Variants in SPTB observed in about 807,000 individuals in gnomAD.
SPTB encodes the protein spectrin beta chain, erythrocytic.
SPTB carries 45 observed loss-of-function variants against 256.2 expected under a neutral mutation model. That is an observed-to-expected ratio of 0.18 (90% CI 0.14 to 0.23). SPTB has a LOEUF of 0.23. Among genes scored for constraint, SPTB ranks in the 10% least tolerant of loss-of-function variants. SPTB has a pLI of 1.00. For missense variants in SPTB, 2,715 were observed against 3,040.4 expected (o/e 0.89, Z 2.52); for synonymous variants, 1,231 against 1,243.1 (o/e 0.99, Z 0.21).
intron 1 of SPTB, among the ~76,000 whole-genome samples, chr14:64,874,396 G>A (rs1403681958): frequency 2.0e-5 from 3 of 152,154 alleles, no homozygotes; most frequent in Admixed American, 6.5e-5. Context: ...ATCTCTTTGT[G>A]TGTCTTCAGC....
chr14:64,876,408 C>T (rs1882827605), intron 1 of SPTB, among the ~76,000 whole-genome samples: 1 of 152,110 alleles, frequency 6.6e-6, no homozygotes, highest in Non-Finnish European at 1.5e-5. Flanking sequence ...CTTTAAATCT[C>T]CCACTGGTCA....
intron 15 of SPTB, among the ~76,000 whole-genome samples, chr14:64,789,966 A>G (rs931517031): frequency 1.3e-5 from 2 of 152,216 alleles, no homozygotes; most frequent in Non-Finnish European, 2.9e-5. Flanking sequence ...TGTTCTGAAA[A>G]ATAATTGAAG....
chr14:64,794,460 G>A lies in SPTB; in HGVS notation c.1795+7C>T. Reference sequence around the variant, plus strand: ...AGCCTCAAAAGGGGAGACAGACTTGGTCTCACCTTTCCCCTCGGTGAACTT... The same window carrying A: ...AGCCTCAAAAGGGGAGACAGACTTGATCTCACCTTTCCCCTCGGTGAACTT... On this transcript the variant is annotated splice_region_variant and intron_variant, in intron 13 of 35. Coordinates refer to ENST00000644917, the MANE Select transcript of SPTB (RefSeq NM_001355436.2). The A allele has an allele frequency of 6.2e-7, 1 of 1,614,186 alleles. No homozygotes were observed. The highest frequency in any genetic ancestry group is 8.5e-7 in the Non-Finnish European group (1 of 1,180,036).
At chr14:64,828,683 C>A (rs2083408664) in intron 1 of SPTB, among the ~76,000 whole-genome samples, 1 of 152,184 alleles carries the variant, frequency 6.6e-6, no homozygotes, top group Non-Finnish European at 1.5e-5. Context: ...TTATCTCTCT[C>A]AACTCACTTC....
chr14:64,782,436 G>T lies in SPTB; in HGVS notation c.4120C>A (p.His1374Asn). ...LQATTKEKTQ[H>N]LSAARSSDLR... ...TCGGAGCTCCTGGCAGCCGAGAGGTGCTGGGTCTTCTCCTTTGTGGTGGCC... is the reference window on the plus strand; with the variant it reads ...TCGGAGCTCCTGGCAGCCGAGAGGTTCTGGGTCTTCTCCTTTGTGGTGGCC... Residue 1374 changes from histidine (H) to asparagine (N), a missense_variant, in exon 20 of 36, where the codon CAC becomes AAC. His to Asn is a moderately conservative substitution (Grantham distance 68). Coordinates refer to ENST00000644917, the MANE Select transcript of SPTB (RefSeq NM_001355436.2). 6.2e-7 allele frequency: 1 copy of T among 1,614,140 alleles called. No individual in the cohort carries two copies. The highest frequency in any genetic ancestry group is 1.7e-5 in the Admixed American group (1 of 60,032).
At chr14:64,820,032 G>A (rs943261631) in intron 2 of SPTB, among the ~76,000 whole-genome samples, 3 of 152,170 alleles carry the variant, frequency 2.0e-5, no homozygotes, top group African/African-American at 7.2e-5. Flanking sequence ...CTTGTGACAT[G>A]TTCCTCCTCA....
chr14:64,793,383 T>A lies in SPTB; in HGVS notation c.2280A>T (p.Gln760His), dbSNP rs769469651. ...GDADDLKAWL[Q>H]DAHRLLSGED... is the part of the protein sequence containing the mutation. ...CACCAGAGAGCAGCCGGTGGGCGTC[T>A]TGCAGCCAAGCCTTCAGGTCATCCG... Residue 760 changes from glutamine to histidine, a missense_variant, in exon 14 of 36, where the codon CAA becomes CAT. By Grantham distance (24) the Gln-to-His change is conservative (BLOSUM62 0). This residue lies in a region of SPTB where 2,239 missense variants were observed against 2,384.4 expected (regional missense o/e 0.94). Coordinates refer to ENST00000644917, the MANE Select transcript of SPTB (RefSeq NM_001355436.2). This position sits in a 1 kb window ranked among gnomAD's most constrained non-coding sequence, Gnocchi z 7.0. The A allele has an allele frequency of 1.9e-6, 3 of 1,612,878 alleles. No individual in the cohort carries two copies. In the African/African-American group the frequency reaches 4.0e-5, roughly 22 times the overall value.
rs1164284160 is a variant in SPTB, at chr14:64,777,772, A to T, written c.4563+1385T>A. On this transcript the variant is annotated intron_variant, in intron 22 of 35. Transcript: ENST00000644917. The surrounding 1 kb of genome is among the most constrained non-coding windows in gnomAD (Gnocchi z 4.5). ...GGGTTTTAGGTGAGGAAATGATAAA[A>T]TTGGATTTATGGTTTAGCCAGGTGA... Among the ~76,000 whole-genome samples the T allele has an allele frequency of 6.6e-6, 1 of 152,186 alleles. No homozygotes were observed. The highest frequency in any genetic ancestry group is 1.9e-4 in the East Asian group (1 of 5,192).
rs1466810395 is a variant in SPTB, at chr14:64,759,561, G to A, written c.6346-5768C>T. Among the ~76,000 whole-genome samples, 3 of 152,196 alleles carry A rather than the reference G, an allele frequency of 2.0e-5. No individual in the cohort carries two copies. Among genetic ancestry groups the A allele is most frequent in the Admixed American group, 6.5e-5 (1 of 15,290 alleles). Reference sequence around the variant, plus strand: ...GGGACTGCCTTACCCGACAGGAGGCGAGATCTATGGACAGAGAGCACCAGG... The same window carrying A: ...GGGACTGCCTTACCCGACAGGAGGCAAGATCTATGGACAGAGAGCACCAGG... On this transcript the variant is annotated intron_variant, in intron 32 of 35. Transcript: ENST00000644917. This position sits in a 1 kb window ranked among gnomAD's most constrained non-coding sequence, Gnocchi z 4.8.
Position 64,786,276 on chromosome 14 carries a change from C to T in SPTB, c.3561+128G>A. On this transcript the variant is annotated intron_variant, in intron 16 of 35. Coordinates refer to ENST00000644917, the MANE Select transcript of SPTB (RefSeq NM_001355436.2). The surrounding 1 kb of genome is among the most constrained non-coding windows in gnomAD (Gnocchi z 5.6). ...CCCTAATGAGAAACAAAGATTTCCC[C>T]CATGAGTGAATACAGAGTACAAGAC... 3 of 1,319,976 alleles carry T rather than the reference C, an allele frequency of 2.3e-6. No homozygotes were observed. The highest frequency in any genetic ancestry group is 3.2e-6 in the Non-Finnish European group (3 of 925,094). The allele number at this position is 1,319,976 out of a possible 1,614,324, so 81.8% of individuals were successfully genotyped here. A position where few individuals can be genotyped will look rare whatever the true frequency, so the allele number is the denominator to read the frequency against.
chr14:64,782,614 C>T (rs2082492331), intron 19 of SPTB, 61 bp from the exon 20 acceptor site: 10 of 1,606,460 alleles, frequency 6.2e-6, no homozygotes, highest in Non-Finnish European at 8.5e-6. Flanking sequence ...ATCAGCCCTG[C>T]TCCTGATGGT....
At chr14:64,784,431 T>C in intron 18 of SPTB, 38 bp from the exon 19 acceptor site, 1 of 1,612,712 alleles carries the variant, frequency 6.2e-7, no homozygotes, top group Admixed American at 1.7e-5. Flanking sequence ...TCCCTGAGTA[T>C]ATTTCTTTGG....
At chr14:64,869,639 T>TTTTA (rs1882409743) in intron 1 of SPTB, among the ~76,000 whole-genome samples, 2 of 149,082 alleles carry the variant, frequency 1.3e-5, no homozygotes. Context: ...TTTTTTTTTT[T>TTTTA]GAGACAGGGT....
chr14:64,791,334 G>A (rs1437887850), intron 15 of SPTB, among the ~76,000 whole-genome samples: 3 of 152,240 alleles, frequency 2.0e-5, no homozygotes, highest in Non-Finnish European at 4.4e-5. Flanking sequence ...TTGGGAGGCC[G>A]AGGTGGGCAG....
intron 1 of SPTB, among the ~76,000 whole-genome samples, chr14:64,879,500 G>C (rs1322927535): frequency 6.6e-6 from 1 of 152,182 alleles, no homozygotes; most frequent in African/African-American, 2.4e-5. Flanking sequence ...CCTGCGCCCC[G>C]GGGTGACGGA....
In SPTB at chr14:64,792,890, C is replaced by T; in HGVS notation, c.2666+107G>A. The T allele has an allele frequency of 6.7e-7, 1 of 1,490,424 alleles. No individual in the cohort carries two copies. The highest frequency in any genetic ancestry group is 9.2e-7 in the Non-Finnish European group (1 of 1,081,604). The allele number at this position is 1,490,424 out of a possible 1,614,324, so 92.3% of individuals were successfully genotyped here. A position where few individuals can be genotyped will look rare whatever the true frequency, so the allele number is the denominator to read the frequency against. ...CTTTGCAACAAAGGACATCCCAGGG[C>T]CTCTCAAAGAGACCTTTGCTGATCC... On this transcript the variant is annotated intron_variant, in intron 14 of 35. Transcript: ENST00000644917. The surrounding 1 kb of genome is among the most constrained non-coding windows in gnomAD (Gnocchi z 4.2).
At position 64,805,190 on chromosome 14, in the gene SPTB, C is replaced by T. The variant is rs369312728; in HGVS notation, c.149-100G>A. ...ACCTTAAGCCCAGGGTACCCCCATG[C>T]TTGGCAGAGGAAGTCGATGTATTCA... is the stretch of plus-strand genomic sequence containing the variant. On this transcript the variant is annotated intron_variant, in intron 2 of 35. Transcript: ENST00000644917. 18 of 1,374,634 alleles carry T rather than the reference C, an allele frequency of 1.3e-5. No homozygotes were observed. The East Asian group carries it at 2.1e-4, about 16-fold the overall frequency. 85.2% of individuals were successfully genotyped at this position (1,374,634 alleles called of 1,614,324 possible).
In SPTB at chr14:64,749,181, C is replaced by G. The variant is rs953975604; in HGVS notation, c.*125G>C. The G allele has an allele frequency of 1.6e-5, 20 of 1,225,344 alleles. No homozygotes were observed. Among genetic ancestry groups the G allele is most frequent in the Admixed American group, 4.6e-5 (2 of 43,576 alleles). The allele number at this position is 1,225,344 out of a possible 1,614,324, so 75.9% of individuals were successfully genotyped here. A position where few individuals can be genotyped will look rare whatever the true frequency, so the allele number is the denominator to read the frequency against. Reference sequence around the variant, plus strand: ...AGCTTTTGCAGTGCAGCGTGGGGCCCGGGGGCCCGGCCCGCGACTCGACTC... The same window carrying G: ...AGCTTTTGCAGTGCAGCGTGGGGCCGGGGGGCCCGGCCCGCGACTCGACTC... On this transcript the variant is annotated 3_prime_UTR_variant, in exon 36 of 36. Coordinates refer to ENST00000644917, the MANE Select transcript of SPTB (RefSeq NM_001355436.2). The surrounding 1 kb of genome is among the most constrained non-coding windows in gnomAD (Gnocchi z 4.7).
chr14:64,822,579 C>T (rs1457179051), intron 2 of SPTB, among the ~76,000 whole-genome samples: 3 of 151,978 alleles, frequency 2.0e-5, no homozygotes, highest in African/African-American at 7.3e-5. Context: ...TCTCTAGGCC[C>T]AGGCAGGAAA....
Sources: gnomAD v4.1 joint callset for allele counts (sites outside exome capture counted in the v4.1 genomes callset) on GRCh38, gnomAD v4.1.1 for gene constraint, gnomAD v4.1.1 regional missense constraint, Gnocchi (gnomAD v3.1) non-coding constraint, MANE v1.5 for transcripts, NCBI Gene and HGNC (gene_info 2026-07-23, HGNC 2026-07-21) for gene names.